Variants in CFAP251 observed in about 807,000 individuals in gnomAD.
The protein encoded by CFAP251 is cilia and flagella associated protein 251.
Under a neutral mutation model 126.7 loss-of-function variants are expected in CFAP251, and 93 were observed. The observed-to-expected ratio is 0.73, with a 90% confidence interval of 0.62 to 0.87. The LOEUF (loss-of-function observed/expected upper bound fraction) is 0.87. Among genes scored for constraint, CFAP251 ranks in the 40% least tolerant of loss-of-function variants. The pLI is 0.00. For synonymous variants in CFAP251, 503 were observed against 506.9 expected (o/e 0.99, Z 0.10); for missense variants, 1,287 against 1,389.2 (o/e 0.93, Z 1.17).
intron 20 of CFAP251, 146 bp downstream of exon 20, chr12:122,000,090 A>G (rs1883113698): frequency 1.5e-6 from 1 of 679,720 alleles, no homozygotes; most frequent in African/African-American, 1.8e-5. Flanking sequence ...GGTCTGGCTG[A>G]CCCACCTGCA....
At chr12:121,954,636 TAAAAAAAAAAAAAAA>T (rs1174239421) in intron 10 of CFAP251, among the ~76,000 whole-genome samples, 13 of 41,984 alleles carry the variant, frequency 3.1e-4, no homozygotes, top group Admixed American at 4.5e-4. Context: ...CCTCCTGTCT[TAAAAAAAAAAAAAAA>T]AAAAAAAAAA....
intron 15 of CFAP251, 132 bp downstream of exon 15, chr12:121,962,294 G>T: frequency 1.3e-6 from 1 of 786,438 alleles, no homozygotes; most frequent in Non-Finnish European, 2.0e-6. Context: ...TGCAGAGGAG[G>T]AGACTGAGGC....
chr12:121,960,717 A>G lies in CFAP251; in HGVS notation c.2266A>G (p.Asn756Asp). 1 of 1,613,860 alleles carries G rather than the reference A, an allele frequency of 6.2e-7. No individual in the cohort carries two copies. Residue 756 changes from asparagine (N) to aspartate (D), a missense_variant, in exon 14 of 22, where the codon AAT (asparagine) becomes GAT (aspartate). Physicochemically the swap from Asn to Asp is conservative, Grantham distance 23. Transcript: ENST00000288912. ...CCTGTTTGGGGTTTACCTGGACAGC[A>G]ATGAGCCTAGACTGCTGAGCCTTGG... ...SLLFGVYLDS[N>D]EPRLLSLGTD...
intron 11 of CFAP251, among the ~76,000 whole-genome samples, 187 bp from the exon 12 acceptor site, chr12:121,958,085 A>C (rs1306016867): frequency 6.6e-6 from 1 of 152,210 alleles, no homozygotes; most frequent in African/African-American, 2.4e-5. Flanking sequence ...ACATGGAGAA[A>C]AGTGGGCTTT....
intron 3 of CFAP251, among the ~76,000 whole-genome samples, chr12:121,928,130 G>A (rs1204309094): frequency 1.3e-5 from 2 of 152,168 alleles, no homozygotes; most frequent in African/African-American, 2.4e-5. Context: ...GTCCTTTTAG[G>A]AATGCTTTCT....
At chr12:121,954,357 A>T (rs1453575405) in intron 10 of CFAP251, 23 bp downstream of exon 10, 1 of 1,559,634 alleles carries the variant, frequency 6.4e-7, no homozygotes, top group South Asian at 1.2e-5. Flanking sequence ...TAATTAAAAG[A>T]TAACTATGGA....
intron 5 of CFAP251, among the ~76,000 whole-genome samples, chr12:121,936,337 C>T (rs770483276): frequency 3.9e-5 from 6 of 152,050 alleles, no homozygotes; most frequent in South Asian, 2.1e-4. Context: ...GTCCCAGCTA[C>T]GCGGGAGGCT....
chr12:121,992,860 C>T (rs888057570), intron 19 of CFAP251, among the ~76,000 whole-genome samples: 1 of 152,150 alleles, frequency 6.6e-6, no homozygotes, highest in African/African-American at 2.4e-5. Context: ...GTAAGCCACC[C>T]CACCCAGCCA....
intron 15 of CFAP251, among the ~76,000 whole-genome samples, chr12:121,963,179 G>C (rs1882004960): frequency 6.6e-6 from 1 of 152,180 alleles, no homozygotes; most frequent in Non-Finnish European, 1.5e-5. Context: ...TGGCGGCTTG[G>C]CCCTGAGGGC....
Position 122,001,540 on chromosome 12 carries a change from A to G in CFAP251, c.3279A>G (p.Ser1093=). Reference sequence around the variant, plus strand: ...AGGAGATGTTGGATTGCTTTGCTTCACTGTTTGGCCTGAATCCCGAGGGAT... The same window carrying G: ...AGGAGATGTTGGATTGCTTTGCTTCGCTGTTTGGCCTGAATCCCGAGGGAT... ...TEEEMLDCFA[S]LFGLNPEGWK... is the part of the protein sequence containing the mutation. The change falls in exon 21 of 22, where the codon TCA becomes TCG. Residue 1093 remains serine (S), a synonymous_variant. Transcript: ENST00000288912. 1 of 1,614,052 alleles carries G rather than the reference A, an allele frequency of 6.2e-7. No homozygotes were observed. Among genetic ancestry groups the G allele is most frequent in the Non-Finnish European group, 8.5e-7 (1 of 1,179,992 alleles).
At chr12:121,946,252 A>G (rs1443683566) in intron 7 of CFAP251, among the ~76,000 whole-genome samples, 1 of 152,202 alleles carries the variant, frequency 6.6e-6, no homozygotes, top group Non-Finnish European at 1.5e-5. Context: ...TTATTGTTGA[A>G]TAGTAGTGCA....
Position 121,975,243 on chromosome 12 carries a change from G to T in CFAP251, c.2772-1G>T, listed in dbSNP as rs1319218426. On this transcript the variant is annotated splice_acceptor_variant, in intron 17 of 21. Coordinates refer to ENST00000288912, the MANE Select transcript of CFAP251 (RefSeq NM_144668.6). LOFTEE classifies it high-confidence loss of function. ...TAGAGACATTTCTGTTGTTGTTCCA[G>T]TGTCCTGGAGGCAGCGGTTTCTCTT... 8.1e-6 allele frequency: 13 copies of T among 1,613,700 alleles called. No individual in the cohort carries two copies. The highest frequency in any genetic ancestry group is 1.1e-5 in the Non-Finnish European group (13 of 1,179,882).
intron 19 of CFAP251, among the ~76,000 whole-genome samples, chr12:121,985,395 A>G (rs1157606323): frequency 1.3e-5 from 2 of 151,958 alleles, no homozygotes; most frequent in African/African-American, 2.4e-5. Flanking sequence ...TTAGCTGGGC[A>G]TGGTGGTGCA....
intron 19 of CFAP251, among the ~76,000 whole-genome samples, chr12:121,976,552 A>C (rs1882464745): frequency 6.6e-6 from 1 of 152,142 alleles, no homozygotes; most frequent in Non-Finnish European, 1.5e-5. Flanking sequence ...TAGATGCAAG[A>C]AGCCCCAAGC....
Position 121,975,613 on chromosome 12 carries a change from G to A in CFAP251, c.2934G>A (p.Val978=), listed in dbSNP as rs1882438248. The A allele has an allele frequency of 6.2e-7, 1 of 1,603,676 alleles. No individual in the cohort carries two copies. Among genetic ancestry groups the A allele is most frequent in the South Asian group, 1.1e-5 (1 of 88,488 alleles). The change falls in exon 19 of 22, where the codon GTG becomes GTA. Residue 978 remains valine, a synonymous_variant. Transcript: ENST00000288912. ...TCGACACAATGGAGACCAGAAAGGT[G>A]TCAGAACACATTTGCCTGTCAGAGC... ...QGIDTMETRK[V]SEHICLSELP...
intron 19 of CFAP251, among the ~76,000 whole-genome samples, chr12:121,987,457 G>A (rs779375042): frequency 6.6e-5 from 10 of 152,180 alleles, no homozygotes; most frequent in Non-Finnish European, 1.2e-4. Flanking sequence ...GTTCATACCC[G>A]TAATCCCAGC....
intron 7 of CFAP251, among the ~76,000 whole-genome samples, chr12:121,946,530 T>A (rs116800170): frequency 6.6e-6 from 1 of 152,184 alleles, no homozygotes; most frequent in Non-Finnish European, 1.5e-5. Context: ...GTTGTGTGTC[T>A]CTCTCCTTGG....
chr12:121,928,674 A>ATATATATACGTATATATATACG (rs1880542779), intron 3 of CFAP251, among the ~76,000 whole-genome samples: 1 of 17,794 alleles, frequency 5.6e-5, no homozygotes, highest in African/African-American at 6.5e-4. Flanking sequence ...ATATACGTAT[A>ATATATATACGTATATATATACG]TATATATATA....
chr12:121,951,875 C>T (rs1016298295), intron 9 of CFAP251, among the ~76,000 whole-genome samples: 1 of 151,810 alleles, frequency 6.6e-6, no homozygotes, highest in Non-Finnish European at 1.5e-5. Flanking sequence ...CCTGCCACCA[C>T]GCCCGGCTAA....
Sources: allele counts gnomAD v4.1 joint callset (sites outside exome capture counted in the v4.1 genomes callset), GRCh38; gene constraint gnomAD v4.1.1; transcripts MANE v1.5; gene names NCBI Gene and HGNC (gene_info 2026-07-23, HGNC 2026-07-21).